The following ERC2 variants were observed in gnomAD, a reference collection of about 807,000 sequenced individuals.
The protein encoded by ERC2 is ERC protein 2.
A neutral mutation model predicts 114.8 loss-of-function variants in ERC2; 42 were observed. The ratio of observed to expected loss-of-function variants is 0.37; its 90% CI spans 0.29 to 0.47. ERC2 has a LOEUF of 0.47. Ranked by LOEUF, ERC2 falls within the 20% of genes least tolerant of loss-of-function variation. The pLI, the probability that ERC2 is intolerant of heterozygous loss-of-function variation, is 0.99. For missense variants in ERC2, 939 were observed against 1,150.7 expected (o/e 0.82, Z 2.66); for synonymous variants, 454 against 425.5 (o/e 1.07, Z -0.82).
At chr3:55,822,020 T>A (rs556450151) in intron 14 of ERC2, among the ~76,000 whole-genome samples, 1 of 152,364 alleles carries the variant, frequency 6.6e-6, no homozygotes, top group South Asian at 2.1e-4. Flanking sequence ...AAGACTTCAT[T>A]TAAAACTTCA....
chr3:56,312,713 ATGTC>A (rs565335072), intron 2 of ERC2, among the ~76,000 whole-genome samples: 139 of 151,506 alleles, frequency 9.2e-4, no homozygotes, highest in African/African-American at 3.2e-3. Context: ...TTTCTGTAGC[ATGTC>A]TGTGCTCTCG....
chr3:56,145,184 C>T (rs1215739192), intron 5 of ERC2, among the ~76,000 whole-genome samples: 2 of 152,100 alleles, frequency 1.3e-5, no homozygotes, highest in African/African-American at 4.8e-5. Context: ...GATATGCTTA[C>T]TATCATGAAG....
At chr3:55,755,546 C>T (rs1426064296) in intron 14 of ERC2, among the ~76,000 whole-genome samples, 2 of 152,288 alleles carry the variant, frequency 1.3e-5, no homozygotes, top group East Asian at 3.9e-4. Context: ...CCCAATTTGG[C>T]CACTAAAGAT....
At chr3:55,632,909 G>A (rs560923242) in intron 17 of ERC2, among the ~76,000 whole-genome samples, 5 of 152,290 alleles carry the variant, frequency 3.3e-5, no homozygotes, top group Non-Finnish European at 7.4e-5. Context: ...AGTTTCGCCA[G>A]GACTAAACCA....
At chr3:56,051,824 CAA>C (rs1491163896) in intron 7 of ERC2, among the ~76,000 whole-genome samples, 1 of 100,948 alleles carries the variant, frequency 9.9e-6, no homozygotes, top group African/African-American at 3.7e-5. Flanking sequence ...GACTCCATCT[CAA>C]ACACACACAC....
intron 2 of ERC2, among the ~76,000 whole-genome samples, chr3:56,308,406 TAC>T (rs1408094580): frequency 6.6e-6 from 1 of 152,138 alleles, no homozygotes; most frequent in Non-Finnish European, 1.5e-5. Flanking sequence ...GAAGGAAAAA[TAC>T]ACTTTGCCTT....
chr3:56,304,376 C>A (rs2056086910), intron 2 of ERC2, among the ~76,000 whole-genome samples: 1 of 152,204 alleles, frequency 6.6e-6, no homozygotes, highest in Non-Finnish European at 1.5e-5. Context: ...TCATATCTTA[C>A]ATAATCTGAC....
At chr3:55,535,921 C>T (rs2107305859) in intron 17 of ERC2, among the ~76,000 whole-genome samples, 1 of 152,196 alleles carries the variant, frequency 6.6e-6, no homozygotes, top group East Asian at 1.9e-4. Context: ...ATTGCTTGAA[C>T]CTGGGAGGCG....
In ERC2 at chr3:55,570,623, A is replaced by G. The variant is rs1220248629; in HGVS notation, c.*40-59347T>C. ...TAACTCACCACTGGCATGCCCGGGG[A>G]AGAACAGATGGTCTGTGGTCAGATA... On this transcript the variant is annotated intron_variant, in intron 17 of 17. Coordinates refer to ENST00000288221, the MANE Select transcript of ERC2 (RefSeq NM_015576.3). Among the ~76,000 whole-genome samples, 3 of 152,070 alleles carry G rather than the reference A, an allele frequency of 2.0e-5. No individual in the cohort carries two copies. In the South Asian group the frequency reaches 6.2e-4, roughly 32 times the overall value.
At chr3:56,242,942 G>T (rs13065887) in intron 3 of ERC2, among the ~76,000 whole-genome samples, 36,089 of 152,000 alleles carry the variant, frequency 0.24, 5,037 homozygotes, top group Non-Finnish European at 0.3. Context: ...ATATACATAC[G>T]TTTCACACTT....
intron 17 of ERC2, among the ~76,000 whole-genome samples, chr3:55,555,592 G>A (rs1326844232): frequency 6.6e-6 from 1 of 152,206 alleles, no homozygotes; most frequent in East Asian, 1.9e-4. Flanking sequence ...CAACTTGGTT[G>A]GATCAACCTC....
chr3:56,101,798 G>A (rs764292264), intron 6 of ERC2, among the ~76,000 whole-genome samples: 46 of 152,284 alleles, frequency 3.0e-4, no homozygotes, highest in Non-Finnish European at 6.3e-4. Context: ...AAACATTCCA[G>A]CAAGAGGAAA....
intron 14 of ERC2, among the ~76,000 whole-genome samples, chr3:55,749,171 AG>A (rs776657859): frequency 6.6e-6 from 1 of 152,194 alleles, no homozygotes; most frequent in Non-Finnish European, 1.5e-5. Context: ...GTCCTGTAAA[AG>A]AGGCCCCCAG....
intron 12 of ERC2, among the ~76,000 whole-genome samples, chr3:55,952,024 G>A (rs1343275210): frequency 1.3e-5 from 2 of 150,846 alleles, no homozygotes; most frequent in East Asian, 3.9e-4. Flanking sequence ...ACAGTCCGAG[G>A]GTGCAGCGGC....
rs1314621915 is a variant in ERC2 at position 55,917,453 on chromosome 3, C to A, written c.2404-28904G>T. 2.0e-5 allele frequency among the ~76,000 whole-genome samples: 3 copies of A among 152,050 alleles called. No homozygotes were observed. In the East Asian group the frequency reaches 5.8e-4, roughly 29 times the overall value. On this transcript the variant is annotated intron_variant, in intron 13 of 17. Coordinates refer to ENST00000288221, the MANE Select transcript of ERC2 (RefSeq NM_015576.3). ...AATACATGCTGCCACATGGATGAGC[C>A]TTGAAAACATTATCCTAAGAAAAAG... is the stretch of plus-strand genomic sequence containing the variant.
At chr3:56,165,523 C>T (rs2082279481) in intron 4 of ERC2, among the ~76,000 whole-genome samples, 2 of 146,698 alleles carry the variant, frequency 1.4e-5, no homozygotes, top group South Asian at 2.2e-4. Flanking sequence ...TATAGCATTT[C>T]ATTGTATGAA....
chr3:55,881,972 A>G (rs2063135523), intron 14 of ERC2, among the ~76,000 whole-genome samples: 2 of 152,216 alleles, frequency 1.3e-5, no homozygotes, highest in Admixed American at 1.3e-4. Flanking sequence ...GGCAGTTAGA[A>G]TATCAACCAA....
chr3:55,935,972 C>A (rs1190625845), intron 13 of ERC2, among the ~76,000 whole-genome samples: 16 of 152,196 alleles, frequency 1.1e-4, no homozygotes, highest in East Asian at 5.8e-4. Context: ...ATAGTGCATT[C>A]TTTATTCATG....
chr3:55,980,689 T>C (rs1224342489), intron 12 of ERC2, among the ~76,000 whole-genome samples: 2 of 152,040 alleles, frequency 1.3e-5, no homozygotes, highest in East Asian at 1.9e-4. Context: ...TTCATCCATA[T>C]GGTAGTACCA....
Sources: allele counts gnomAD v4.1 joint callset (sites outside exome capture counted in the v4.1 genomes callset), GRCh38; gene constraint gnomAD v4.1.1; transcripts MANE v1.5; gene names NCBI Gene and HGNC (gene_info 2026-07-23, HGNC 2026-07-21).